The following SRBD1 variants were observed in gnomAD, a reference collection of about 807,000 sequenced individuals.
SRBD1 encodes S1 RNA binding domain 1, also known as S1 RNA-binding domain-containing protein 1.
A neutral mutation model predicts 115.3 loss-of-function variants in SRBD1; 88 were observed. The observed-to-expected ratio is 0.76, with a 90% CI of 0.64 to 0.91. SRBD1 has a LOEUF of 0.91. SRBD1 is among the 40% of genes least tolerant of loss of function. SRBD1 has a pLI of 0.00. For synonymous variants in SRBD1, 509 were observed against 407.7 expected (o/e 1.25, Z -2.99); for missense variants, 1,385 against 1,177.4 (o/e 1.18, Z -2.58).
At chr2:45,420,520 TTTATTTATTTG>T in intron 16 of SRBD1, among the ~76,000 whole-genome samples, 1 of 152,338 alleles carries the variant, frequency 6.6e-6, no homozygotes, top group East Asian at 1.9e-4. Flanking sequence ...GCTTACATTT[TTTATTTATTTG>T]TTAAATATTG....
intron 16 of SRBD1, among the ~76,000 whole-genome samples, chr2:45,451,668 A>C (rs565561698): frequency 5.2e-4 from 78 of 150,826 alleles, no homozygotes; most frequent in African/African-American, 1.8e-3. Flanking sequence ...GGTAAAGCAC[A>C]AATATCCTCC....
chr2:45,493,201 C>T (rs1044029089), intron 14 of SRBD1, among the ~76,000 whole-genome samples: 1 of 152,116 alleles, frequency 6.6e-6, no homozygotes, highest in Non-Finnish European at 1.5e-5. Flanking sequence ...AGAAACATAT[C>T]GTGAGAGGTT....
chr2:45,538,893 C>G (rs1316677851), intron 14 of SRBD1, among the ~76,000 whole-genome samples: 3 of 151,956 alleles, frequency 2.0e-5, no homozygotes, highest in Admixed American at 1.3e-4. Context: ...TTCTCAAGAT[C>G]TCCCTCTTAA....
At chr2:45,468,388 CTTT>C (rs80336252) in intron 16 of SRBD1, among the ~76,000 whole-genome samples, 15 of 139,148 alleles carry the variant, frequency 1.1e-4, no homozygotes, top group Non-Finnish European at 1.1e-4. Flanking sequence ...CTTCAATGAA[CTTT>C]TTTTTTTTTT....
At chr2:45,605,247 T>A in intron 2 of SRBD1, 115 bp downstream of exon 2, 2 of 867,454 alleles carry the variant, frequency 2.3e-6, no homozygotes, top group Non-Finnish European at 1.8e-6. Context: ...CATGAATGAA[T>A]AAAAAAAGTT....
At chr2:45,417,575 T>G (rs1572617255) in intron 18 of SRBD1, among the ~76,000 whole-genome samples, 1 of 152,222 alleles carries the variant, frequency 6.6e-6, no homozygotes, top group Admixed American at 6.5e-5. Flanking sequence ...AATTATAAAG[T>G]CCATATGAAT....
chr2:45,395,912 A>G (rs1353683805), intron 19 of SRBD1, among the ~76,000 whole-genome samples: 2 of 152,222 alleles, frequency 1.3e-5, no homozygotes, highest in African/African-American at 2.4e-5. Flanking sequence ...AGTAATATCC[A>G]ATACAAAGTT....
chr2:45,554,457 T>G (rs1672408962), intron 10 of SRBD1, among the ~76,000 whole-genome samples: 1 of 152,330 alleles, frequency 6.6e-6, no homozygotes, highest in Middle Eastern at 3.4e-3. Flanking sequence ...AGAGTTAAAG[T>G]AGACTGAGCA....
chr2:45,392,128 A>C (rs1428382718), intron 20 of SRBD1, among the ~76,000 whole-genome samples: 1 of 152,228 alleles, frequency 6.6e-6, no homozygotes, highest in African/African-American at 2.4e-5. Flanking sequence ...TAACTTAAAA[A>C]AAAACAAAAC....
chr2:45,491,815 CTTTA>C (rs1670300983), intron 14 of SRBD1, among the ~76,000 whole-genome samples: 1 of 152,000 alleles, frequency 6.6e-6, no homozygotes, highest in Non-Finnish European at 1.5e-5. Flanking sequence ...AAAAATGCTG[CTTTA>C]TTTAATTAAT....
rs368090543 is a variant in SRBD1, at chr2:45,456,723, G to T, written c.2049+20270C>A. The stretch of plus-strand genomic sequence containing the variant: ...CTAAAGTTGAGGCCAGCATGCTGAA[G>T]AAAAATATTAAACTATCTATAACCC... On this transcript the variant is annotated intron_variant, in intron 16 of 20. Coordinates refer to ENST00000263736, the MANE Select transcript of SRBD1 (RefSeq NM_018079.5). Among the ~76,000 whole-genome samples the T allele has an allele frequency of 1.6e-3, 239 of 151,878 alleles. 3 individuals carry two copies. The highest frequency in any genetic ancestry group is 5.4e-3 in the African/African-American group (225 of 41,492).
chr2:45,447,329 C>T (rs112955175), intron 16 of SRBD1: 6 of 152,534 alleles, frequency 3.9e-5, no homozygotes, highest in Non-Finnish European at 7.3e-5. Context: ...CGCCTGTAGT[C>T]CCAGCTACTT....
chr2:45,549,485 A>G (rs1672226806), intron 12 of SRBD1, among the ~76,000 whole-genome samples: 1 of 152,044 alleles, frequency 6.6e-6, no homozygotes, highest in Non-Finnish European at 1.5e-5. Flanking sequence ...AATTTTTAAA[A>G]GACTAATATA....
intron 14 of SRBD1, among the ~76,000 whole-genome samples, chr2:45,536,990 CA>C (rs1671782816): frequency 6.6e-6 from 1 of 152,144 alleles, no homozygotes; most frequent in East Asian, 1.9e-4. Context: ...ATTCATGAGA[CA>C]ATACTTAGCT....
intron 14 of SRBD1, among the ~76,000 whole-genome samples, chr2:45,530,879 A>G (rs1166666368): frequency 6.6e-6 from 1 of 151,896 alleles, no homozygotes; most frequent in Non-Finnish European, 1.5e-5. Context: ...ATACTCACAA[A>G]AGGCTGAGCC....
intron 16 of SRBD1, among the ~76,000 whole-genome samples, chr2:45,430,773 C>G (rs2103673039): frequency 6.6e-6 from 1 of 152,188 alleles, no homozygotes; most frequent in South Asian, 2.1e-4. Context: ...GCAATGGCAA[C>G]AAAAGCAAAA....
chr2:45,593,580 C>T (rs149395575), intron 4 of SRBD1, among the ~76,000 whole-genome samples: 3 of 152,308 alleles, frequency 2.0e-5, no homozygotes, highest in Non-Finnish European at 4.4e-5. Context: ...AAGAAAACAT[C>T]TTGGCATCAA....
At chr2:45,545,283 T>TAAAAAAAAAAAAAAAA (rs56909656) in intron 14 of SRBD1, among the ~76,000 whole-genome samples, 34 of 68,572 alleles carry the variant, frequency 5.0e-4, no homozygotes, top group African/African-American at 1.6e-3. Flanking sequence ...CTGTCTCAAT[T>TAAAAAAAAAAAAAAAA]AAAAAAAAAA....
intron 14 of SRBD1, among the ~76,000 whole-genome samples, chr2:45,497,166 G>T (rs1284122622): frequency 1.3e-5 from 2 of 152,098 alleles, no homozygotes; most frequent in Non-Finnish European, 2.9e-5. Context: ...TATGGCAAAT[G>T]AACCTGTTTA....
Sources: gnomAD v4.1 joint callset for allele counts (sites outside exome capture counted in the v4.1 genomes callset) on GRCh38, gnomAD v4.1.1 for gene constraint, MANE v1.5 for transcripts, NCBI Gene and HGNC (gene_info 2026-07-23, HGNC 2026-07-21) for gene names.